PITRM1: variants seen among roughly 807,000 people sequenced by gnomAD.
The protein encoded by PITRM1 is pitrilysin metallopeptidase 1.
PITRM1 carries 100 observed loss-of-function variants against 129.9 expected under a neutral mutation model. The ratio of observed to expected loss-of-function variants is 0.77; its 90% CI spans 0.65 to 0.91. The LOEUF is 0.91. Ranked by LOEUF, PITRM1 falls within the 40% of genes least tolerant of loss-of-function variation. The probability of loss-of-function intolerance (pLI) is 0.00; values close to 1 mark genes in which losing one functional copy is unlikely to be tolerated. For synonymous variants in PITRM1, 591 were observed against 508.8 expected (o/e 1.16, Z -2.17); for missense variants, 1,471 against 1,318.3 (o/e 1.12, Z -1.79).
chr10:3,143,448 C>G lies in PITRM1; in HGVS notation c.2586G>C (p.Pro862=). The G allele has an allele frequency of 6.2e-7, 1 of 1,613,846 alleles. No individual in the cohort carries two copies. Among genetic ancestry groups the G allele is most frequent in the Non-Finnish European group, 8.5e-7 (1 of 1,179,766 alleles). ...QMKTHFLMPF[P]VNYVGECIRT... ...GGATGCATTCACCCACGTAATTCACCGGGAAGGGCATCAGGAAGTGAGTCT... is the reference window on the plus strand; with the variant it reads ...GGATGCATTCACCCACGTAATTCACGGGGAAGGGCATCAGGAAGTGAGTCT... Residue 862 remains proline, a synonymous_variant, in exon 23 of 27, where the codon CCG becomes CCC. Coordinates refer to ENST00000224949, the MANE Select transcript of PITRM1 (RefSeq NM_014889.4).
In PITRM1 at chr10:3,158,080, C is replaced by T. The variant is rs773535745; in HGVS notation, c.1210G>A (p.Val404Ile). The T allele has an allele frequency of 8.1e-6, 13 of 1,611,038 alleles. No individual in the cohort carries two copies. Among genetic ancestry groups the T allele is most frequent in the Non-Finnish European group, 6.8e-6 (8 of 1,177,268 alleles). ...ATCGTTCTGTCTATGAGGCTTCTGA[C>T]GGTCTCAATGTCTTTCTCCGCAATC... The part of the protein sequence containing the change: ...QGIAEKDIET[V>I]RSLIDRTIDE... Residue 404 changes from valine (V) to isoleucine (I), a missense_variant, in exon 11 of 27, where the codon GTC becomes ATC. Coordinates refer to ENST00000224949, the MANE Select transcript of PITRM1 (RefSeq NM_014889.4).
rs746190050 is a variant in PITRM1 at position 3,143,463 on chromosome 10, G to C, written c.2571C>G (p.Phe857Leu). 3 of 1,613,772 alleles carry C rather than the reference G, an allele frequency of 1.9e-6. No individual in the cohort carries two copies. The highest frequency in any genetic ancestry group is 2.5e-6 in the Non-Finnish European group (3 of 1,179,678). ...TFKPWQMKTH[F>L]LMPFPVNYVG... is the part of the protein sequence containing the mutation. ...CGTAATTCACCGGGAAGGGCATCAG[G>C]AAGTGAGTCTTCATCTGCCAGGGCT... Residue 857 changes from phenylalanine (F) to leucine (L), a missense_variant, in exon 23 of 27, where the codon TTC becomes TTG. Transcript: ENST00000224949.
chr10:3,148,520 G>C (rs1841160764), intron 16 of PITRM1: 1 of 504,694 alleles, frequency 2.0e-6, no homozygotes, highest in Non-Finnish European at 3.5e-6. Flanking sequence ...TAGGAAGTTA[G>C]CGTCCAGAGG....
chr10:3,171,146 T>TAAAAAAAAAACAAAAAAAA (rs1588736135), intron 1 of PITRM1, among the ~76,000 whole-genome samples: 1 of 36,240 alleles, frequency 2.8e-5, no homozygotes. Context: ...AATCGTTCAA[T>TAAAAAAAAAACAAAAAAAA]TAAAAAAAAA....
rs1051466575 is a variant in PITRM1 at position 3,149,616 on chromosome 10, C to T, written c.1871+5G>A. On this transcript the variant is annotated splice_donor_5th_base_variant and intron_variant, in intron 16 of 26. Coordinates refer to ENST00000224949, the MANE Select transcript of PITRM1 (RefSeq NM_014889.4). ...AGACACACAAGGGTATGTTGCGACT[C>T]GTACTTGGTGAGGACGCTGCAGAAG... The T allele has an allele frequency of 3.9e-6, 6 of 1,549,726 alleles. No individual in the cohort carries two copies. The highest frequency in any genetic ancestry group is 3.5e-6 in the Non-Finnish European group (4 of 1,151,682).
chr10:3,170,956 G>A (rs1843280135), intron 1 of PITRM1, among the ~76,000 whole-genome samples: 1 of 150,396 alleles, frequency 6.6e-6, no homozygotes, highest in African/African-American at 2.5e-5. Context: ...GAGCAAGACT[G>A]TCGGAAAAAA....
intron 21 of PITRM1, 107 bp downstream of exon 21, chr10:3,145,489 C>A: frequency 1.1e-6 from 1 of 903,034 alleles, no homozygotes; most frequent in South Asian, 1.6e-5. Flanking sequence ...GGATATGAAC[C>A]CCCACATGCT....
intron 16 of PITRM1, chr10:3,148,512 G>C (rs1841159014): frequency 1.9e-6 from 1 of 523,600 alleles, no homozygotes; most frequent in Non-Finnish European, 3.3e-6. Context: ...CTCCCGCCTA[G>C]GAAGTTAGCG....
chr10:3,154,763 G>C (rs1372729778), intron 14 of PITRM1, among the ~76,000 whole-genome samples: 2 of 151,910 alleles, frequency 1.3e-5, no homozygotes, highest in Non-Finnish European at 2.9e-5. Context: ...TTTTTTCCCA[G>C]AGGCCAAACT....
intron 20 of PITRM1, 105 bp from the exon 21 acceptor site, chr10:3,145,821 T>C: frequency 2.2e-6 from 2 of 912,900 alleles, no homozygotes; most frequent in South Asian, 1.6e-5. Flanking sequence ...TAGAAAATAC[T>C]GTTCAGAGTG....
chr10:3,160,116 G>A, intron 8 of PITRM1, 88 bp downstream of exon 8: 1 of 1,403,770 alleles, frequency 7.1e-7, no homozygotes, highest in Non-Finnish European at 9.9e-7. Flanking sequence ...AAACATGACA[G>A]CATCTGAAAT....
At chr10:3,154,078 C>A (rs1841760252) in intron 14 of PITRM1, among the ~76,000 whole-genome samples, 1 of 152,234 alleles carries the variant, frequency 6.6e-6, no homozygotes, top group Non-Finnish European at 1.5e-5. Context: ...AGCTTCTCAT[C>A]TGCTCTCTGT....
intron 12 of PITRM1, 74 bp from the exon 13 acceptor site, chr10:3,157,138 T>A: frequency 7.4e-7 from 1 of 1,342,432 alleles, no homozygotes; most frequent in Non-Finnish European, 1.0e-6. Flanking sequence ...CCAGACTTGA[T>A]ACTAAAATCC....
In PITRM1 at chr10:3,172,728, C is replaced by A. The variant is rs368645313; in HGVS notation, c.45G>T (p.Arg15=). The change falls in exon 1 of 27, where the codon CGG becomes CGT. Residue 15 remains arginine, a synonymous_variant. Transcript: ENST00000224949. Reference sequence around the variant, plus strand: ...TCGCAGCGTCTCACCCGCCGCTCAGCCGCCTCAGCACACACAGGCCCTGCC... The same window carrying A: ...TCGCAGCGTCTCACCCGCCGCTCAGACGCCTCAGCACACACAGGCCCTGCC... ...GGRQGLCVLR[R]LSGGHAHHRA... The A allele has an allele frequency of 1.3e-6, 2 of 1,542,814 alleles. No individual in the cohort carries two copies. The highest frequency in any genetic ancestry group is 2.5e-5 in the East Asian group (1 of 40,562).
chr10:3,161,729 C>CTG (rs1346188390), intron 7 of PITRM1, among the ~76,000 whole-genome samples: 1 of 151,920 alleles, frequency 6.6e-6, no homozygotes, highest in Non-Finnish European at 1.5e-5. Context: ...GGGCCCACAG[C>CTG]TGGGGCAAAT....
At chr10:3,159,236 ATTAAC>A (rs1219863232) in intron 9 of PITRM1, among the ~76,000 whole-genome samples, 194 bp from the exon 10 acceptor site, 1 of 152,254 alleles carries the variant, frequency 6.6e-6, no homozygotes, top group Non-Finnish European at 1.5e-5. Flanking sequence ...AAACCATCAA[ATTAAC>A]TTCACTGCAC....
chr10:3,138,378 G>A (rs1839800166), intron 25 of PITRM1, 41 bp from the exon 26 acceptor site: 1 of 1,391,946 alleles, frequency 7.2e-7, no homozygotes. Flanking sequence ...CGCTGCCCGG[G>A]AGCTCGCGTT....
At chr10:3,151,401 T>G in intron 14 of PITRM1, 38 bp from the exon 15 acceptor site, 6 of 1,198,542 alleles carry the variant, frequency 5.0e-6, no homozygotes, top group Non-Finnish European at 6.1e-6. Context: ...TTCAGGGCCA[T>G]AATTAAAAGG....
chr10:3,155,054 G>A (rs572981997), intron 14 of PITRM1, among the ~76,000 whole-genome samples: 7 of 152,288 alleles, frequency 4.6e-5, no homozygotes, highest in East Asian at 3.9e-4. Flanking sequence ...TGAAGCACCC[G>A]TGTGCTCCCC....
Sources: gnomAD v4.1 joint callset for allele counts (sites outside exome capture counted in the v4.1 genomes callset) on GRCh38, gnomAD v4.1.1 for gene constraint, MANE v1.5 for transcripts, NCBI Gene and HGNC (gene_info 2026-07-23, HGNC 2026-07-21) for gene names.